GRM8: variants seen among roughly 807,000 people sequenced by gnomAD.
GRM8 encodes glutamate metabotropic receptor 8, also known as metabotropic glutamate receptor 8.
In GRM8, 47 loss-of-function variants were observed where a neutral mutation model predicts 87.2. The ratio of observed to expected loss-of-function variants is 0.54; its 90% confidence interval spans 0.43 to 0.69. GRM8 has a LOEUF of 0.69. Ranked by LOEUF, GRM8 falls within the 30% of genes least tolerant of loss-of-function variation. The pLI, the probability that GRM8 is intolerant of heterozygous loss-of-function variation, is 0.00. For missense variants in GRM8, 1,019 were observed against 1,139.2 expected, an observed-to-expected ratio of 0.89 and a Z score of 1.52; for synonymous variants, 396 against 404.5, an observed-to-expected ratio of 0.98 and a Z score of 0.25.
intron 3 of GRM8, among the ~76,000 whole-genome samples, chr7:126,998,226 A>C (rs1329335534): frequency 6.6e-6 from 1 of 151,950 alleles, no homozygotes; most frequent in African/African-American, 2.4e-5. Flanking sequence ...TCTTATGATT[A>C]AAACCCTCAA....
chr7:127,250,110 T>G (rs1413191807), intron 1 of GRM8, among the ~76,000 whole-genome samples: 3 of 152,142 alleles, frequency 2.0e-5, no homozygotes, highest in African/African-American at 7.2e-5. Context: ...CTGAAGACAA[T>G]GGAACATTCA....
intron 3 of GRM8, among the ~76,000 whole-genome samples, chr7:127,015,834 C>T (rs1815612258): frequency 6.6e-6 from 1 of 152,018 alleles, no homozygotes; most frequent in African/African-American, 2.4e-5. Context: ...ATAAGCCCAA[C>T]CAGCTGAAAG....
chr7:126,467,716 C>T (rs1804670374), intron 9 of GRM8, among the ~76,000 whole-genome samples: 1 of 151,940 alleles, frequency 6.6e-6, no homozygotes. Flanking sequence ...TAGTGTTTAT[C>T]TCAGCAAAGG....
chr7:126,761,013 G>A (rs1036202372), intron 7 of GRM8, among the ~76,000 whole-genome samples: 11 of 152,068 alleles, frequency 7.2e-5, no homozygotes, highest in African/African-American at 2.4e-4. Context: ...CCTAGGCAAC[G>A]TGGTGAAACC....
intron 7 of GRM8, among the ~76,000 whole-genome samples, chr7:126,750,282 TAGAA>T (rs1035578301): frequency 4.2e-4 from 64 of 152,170 alleles, no homozygotes; most frequent in African/African-American, 1.3e-3. Flanking sequence ...AATCTACTGA[TAGAA>T]AGCAAATCAG....
intron 8 of GRM8, among the ~76,000 whole-genome samples, chr7:126,544,678 T>A (rs1258831891): frequency 6.6e-6 from 1 of 151,880 alleles, no homozygotes; most frequent in Non-Finnish European, 1.5e-5. Flanking sequence ...CCCTGCTAAT[T>A]TTTGTATTTT....
At chr7:127,142,215 T>C (rs1335881250) in intron 2 of GRM8, among the ~76,000 whole-genome samples, 1 of 152,058 alleles carries the variant, frequency 6.6e-6, no homozygotes, top group Non-Finnish European at 1.5e-5. Flanking sequence ...TGGCTTCAAG[T>C]GATCCTCTCA....
chr7:127,189,508 G>A (rs1587235159), intron 2 of GRM8, among the ~76,000 whole-genome samples: 1 of 152,146 alleles, frequency 6.6e-6, no homozygotes, highest in Non-Finnish European at 1.5e-5. Context: ...TACCTAAATT[G>A]TTTCTTAATT....
rs369815172 is a variant in GRM8, at chr7:126,770,081, G to T, written c.1157-16C>A. 1.9e-6 allele frequency: 3 copies of T among 1,576,838 alleles called. No individual in the cohort carries two copies. Among genetic ancestry groups the T allele is most frequent in the Non-Finnish European group, 2.6e-6 (3 of 1,151,246 alleles). On this transcript the variant is annotated splice_polypyrimidine_tract_variant and intron_variant, in intron 6 of 10. Coordinates refer to ENST00000339582, the MANE Select transcript of GRM8 (RefSeq NM_000845.3). The stretch of plus-strand genomic sequence containing the variant: ...CGCTCCAGCCCTGCAAAATAAAAAA[G>T]TAAAAACCATCAGTTGATGTTAGAT...
chr7:126,601,546 C>T (rs1182056209), intron 8 of GRM8, among the ~76,000 whole-genome samples: 1 of 151,216 alleles, frequency 6.6e-6, no homozygotes, highest in Non-Finnish European at 1.5e-5. Flanking sequence ...ACAGTCCCAC[C>T]AACAGTGTAA....
At chr7:126,916,299 G>A (rs1803895399) in intron 3 of GRM8, among the ~76,000 whole-genome samples, 1 of 152,200 alleles carries the variant, frequency 6.6e-6, no homozygotes, top group Non-Finnish European at 1.5e-5. Context: ...TCTAAGTCTA[G>A]TGAAGCCTGA....
At chr7:126,712,859 T>C (rs745869576) in intron 7 of GRM8, among the ~76,000 whole-genome samples, 8 of 152,194 alleles carry the variant, frequency 5.3e-5, no homozygotes, top group Non-Finnish European at 8.8e-5. Flanking sequence ...TCATCATCAC[T>C]TGTTGATAGA....
At chr7:126,827,130 A>G (rs539368156) in intron 6 of GRM8, among the ~76,000 whole-genome samples, 9 of 152,162 alleles carry the variant, frequency 5.9e-5, no homozygotes, top group Non-Finnish European at 1.0e-4. Context: ...CTTGTAGTAT[A>G]GTTTGAAGTC....
intron 3 of GRM8, among the ~76,000 whole-genome samples, chr7:126,948,931 G>A (rs1807844302): frequency 1.3e-5 from 2 of 152,180 alleles, no homozygotes; most frequent in South Asian, 4.1e-4. Context: ...TGACACTAAG[G>A]TAGTAAATAT....
At chr7:126,907,842 A>T (rs1354235382) in intron 3 of GRM8, among the ~76,000 whole-genome samples, 1 of 152,152 alleles carries the variant, frequency 6.6e-6, no homozygotes, top group African/African-American at 2.4e-5. Flanking sequence ...GGAAATGATG[A>T]CTGAGCCAGC....
intron 3 of GRM8, among the ~76,000 whole-genome samples, chr7:126,954,535 A>G (rs1282447220): frequency 6.6e-6 from 1 of 152,182 alleles, no homozygotes; most frequent in Non-Finnish European, 1.5e-5. Flanking sequence ...CTGTATTTTA[A>G]TTGGTATTTC....
chr7:126,930,364 A>C (rs1805635156), intron 3 of GRM8, among the ~76,000 whole-genome samples: 1 of 152,204 alleles, frequency 6.6e-6, no homozygotes, highest in Non-Finnish European at 1.5e-5. Context: ...CTGGCATACA[A>C]AATAAATTGC....
rs147525340 is a variant in GRM8 at position 127,192,667 on chromosome 7, C to T, written c.510+50028G>A. On this transcript the variant is annotated intron_variant, in intron 2 of 10. Transcript: ENST00000339582. ...CAAAGGAACCCCTGGTACCACTGAA[C>T]ATGAAGGTCATGTTCTACGCAAGTA... Among the ~76,000 whole-genome samples the T allele has an allele frequency of 5.0e-3, 764 of 152,326 alleles. 5 individuals carry two copies. The highest frequency in any genetic ancestry group is 0.024 in the Middle Eastern group (7 of 294).
chr7:126,635,414 A>G (rs983221912), intron 7 of GRM8, among the ~76,000 whole-genome samples: 4 of 152,114 alleles, frequency 2.6e-5, no homozygotes, highest in African/African-American at 9.7e-5. Context: ...AACTCTAAAA[A>G]TATATATTAA....
Sources: gnomAD v4.1 joint callset for allele counts (sites outside exome capture counted in the v4.1 genomes callset) on GRCh38, gnomAD v4.1.1 for gene constraint, MANE v1.5 for transcripts, NCBI Gene and HGNC (gene_info 2026-07-23, HGNC 2026-07-21) for gene names.